Variants in CNTNAP5 observed in about 807,000 individuals in gnomAD.
CNTNAP5 encodes contactin-associated protein-like 5.
Under a neutral mutation model 150.2 loss-of-function variants are expected in CNTNAP5, and 72 were observed. That is an observed-to-expected ratio of 0.48 (90% CI 0.40 to 0.58). The LOEUF (loss-of-function observed/expected upper bound fraction) is 0.58, where lower values mean the gene tolerates loss of function less well. Among genes scored for constraint, CNTNAP5 ranks in the 20% least tolerant of loss-of-function variants. CNTNAP5 has a pLI of 0.00. For synonymous variants in CNTNAP5, 672 were observed against 619.8 expected, an observed-to-expected ratio of 1.08 and a Z score of -1.25; for missense variants, 1,636 against 1,626.2, an observed-to-expected ratio of 1.01 and a Z score of -0.10.
At chr2:124,391,957 A>G (rs757673182) in intron 3 of CNTNAP5, among the ~76,000 whole-genome samples, 2 of 152,188 alleles carry the variant, frequency 1.3e-5, no homozygotes, top group Non-Finnish European at 2.9e-5. Context: ...CTCCGTCCCA[A>G]AAACAAAAAC....
intron 2 of CNTNAP5, among the ~76,000 whole-genome samples, chr2:124,230,576 G>A (rs1218695147): frequency 3.3e-5 from 5 of 151,234 alleles, no homozygotes; most frequent in African/African-American, 1.2e-4. Flanking sequence ...CTGTCACCCA[G>A]GCTGGGGTGC....
At chr2:124,380,674 A>G (rs1690768844) in intron 3 of CNTNAP5, among the ~76,000 whole-genome samples, 1 of 152,102 alleles carries the variant, frequency 6.6e-6, no homozygotes, top group Non-Finnish European at 1.5e-5. Context: ...TCTGTATCCA[A>G]TAAATCTCCC....
intron 3 of CNTNAP5, among the ~76,000 whole-genome samples, chr2:124,345,040 C>T (rs959269269): frequency 6.6e-6 from 1 of 152,140 alleles, no homozygotes; most frequent in Admixed American, 6.5e-5. Context: ...CTTAAGTGCT[C>T]AGCATGAGAA....
chr2:124,612,928 A>G (rs7560231), intron 12 of CNTNAP5, among the ~76,000 whole-genome samples: 5,091 of 152,084 alleles, frequency 0.033, 85 homozygotes, highest in Middle Eastern at 0.051. Context: ...TGGTGCATGC[A>G]TGTAGTCCCA....
intron 17 of CNTNAP5, among the ~76,000 whole-genome samples, chr2:124,784,969 G>A (rs1018597663): frequency 7.0e-6 from 1 of 142,322 alleles, no homozygotes; most frequent in African/African-American, 2.5e-5. Context: ...AGTATGACTA[G>A]TATCTTTAAA....
intron 12 of CNTNAP5, among the ~76,000 whole-genome samples, chr2:124,622,602 T>C (rs1423089358): frequency 1.3e-5 from 2 of 152,094 alleles, no homozygotes; most frequent in African/African-American, 4.8e-5. Context: ...GTAAAAGCAT[T>C]CCTTTTTCTC....
At chr2:124,602,766 TA>T (rs1697013875) in intron 11 of CNTNAP5, among the ~76,000 whole-genome samples, 1 of 152,214 alleles carries the variant, frequency 6.6e-6, no homozygotes, top group Non-Finnish European at 1.5e-5. Flanking sequence ...ATGTTGGAAT[TA>T]CAGGTGTGAA....
At chr2:124,148,221 C>A (rs1044424170) in intron 1 of CNTNAP5, among the ~76,000 whole-genome samples, 1 of 151,532 alleles carries the variant, frequency 6.6e-6, no homozygotes, top group African/African-American at 2.4e-5. Context: ...ACCGCGTGAA[C>A]CCAGGAGGCA....
intron 13 of CNTNAP5, among the ~76,000 whole-genome samples, chr2:124,734,415 T>G (rs1680338906): frequency 6.6e-6 from 1 of 152,016 alleles, no homozygotes; most frequent in East Asian, 1.9e-4. Flanking sequence ...ACAAGAAATC[T>G]AACTGAACCT....
intron 10 of CNTNAP5, among the ~76,000 whole-genome samples, chr2:124,541,419 T>C (rs1370857391): frequency 6.6e-6 from 1 of 151,954 alleles, no homozygotes; most frequent in African/African-American, 2.4e-5. Flanking sequence ...TAGAAAAATA[T>C]GAGAAAAAGT....
intron 20 of CNTNAP5, among the ~76,000 whole-genome samples, chr2:124,867,394 G>T (rs1451444890): frequency 3.3e-5 from 5 of 152,090 alleles, no homozygotes; most frequent in Non-Finnish European, 7.4e-5. Flanking sequence ...ATACCGAAAA[G>T]GTATTGCCTC....
chr2:124,315,441 G>C (rs942798326), intron 3 of CNTNAP5, among the ~76,000 whole-genome samples: 3 of 152,084 alleles, frequency 2.0e-5, no homozygotes, highest in Non-Finnish European at 2.9e-5. Flanking sequence ...GGTGCCTCAG[G>C]GTTTGCTTTG....
At chr2:124,647,272 C>T (rs4848960) in intron 12 of CNTNAP5, among the ~76,000 whole-genome samples, 77,018 of 151,994 alleles carry the variant, frequency 0.51, 20,762 homozygotes, top group Non-Finnish European at 0.62. Context: ...GTGGATCACA[C>T]AATCTCAACC....
intron 3 of CNTNAP5, among the ~76,000 whole-genome samples, chr2:124,288,103 C>CT (rs1289636504): frequency 6.6e-6 from 1 of 152,130 alleles, no homozygotes; most frequent in African/African-American, 2.4e-5. Context: ...CTAATTTATT[C>CT]TTTTTTCATA....
At chr2:124,737,456 G>A (rs1458004182) in intron 13 of CNTNAP5, among the ~76,000 whole-genome samples, 2 of 152,144 alleles carry the variant, frequency 1.3e-5, no homozygotes, top group African/African-American at 2.4e-5. Context: ...GCATCAAAGA[G>A]CATGTGCGAG....
chr2:124,647,600 G>T (rs1387251349), intron 12 of CNTNAP5, among the ~76,000 whole-genome samples, 158 bp from the exon 13 acceptor site: 1 of 152,202 alleles, frequency 6.6e-6, no homozygotes, highest in Non-Finnish European at 1.5e-5. Flanking sequence ...AACTCTGGTG[G>T]AGCTCCATGG....
chr2:124,373,632 T>C (rs948727229), intron 3 of CNTNAP5, among the ~76,000 whole-genome samples: 3 of 151,966 alleles, frequency 2.0e-5, no homozygotes, highest in African/African-American at 7.2e-5. Context: ...TTCAGAATAA[T>C]TGAGGTTTTC....
chr2:124,323,192 C>G (rs902993237), intron 3 of CNTNAP5, among the ~76,000 whole-genome samples: 1 of 152,152 alleles, frequency 6.6e-6, no homozygotes, highest in African/African-American at 2.4e-5. Flanking sequence ...GTCAGGAACA[C>G]TTTCCCAGAG....
chr2:124,659,563 C>T (rs559258117), intron 13 of CNTNAP5, among the ~76,000 whole-genome samples: 8 of 152,234 alleles, frequency 5.3e-5, no homozygotes, highest in East Asian at 1.9e-4. Context: ...ATTGACCTCA[C>T]TTGCATCTCA....
Sources: gnomAD v4.1 joint callset for allele counts (sites outside exome capture counted in the v4.1 genomes callset) on GRCh38, gnomAD v4.1.1 for gene constraint, MANE v1.5 for transcripts, NCBI Gene and HGNC (gene_info 2026-07-23, HGNC 2026-07-21) for gene names.